GOLIM4: variants seen among roughly 807,000 people sequenced by gnomAD.
GOLIM4 encodes the protein 130 kDa golgi-localized phosphoprotein.
GOLIM4 carries 71 observed loss-of-function variants against 107.4 expected under a neutral mutation model. The observed-to-expected ratio is 0.66, with a 90% CI of 0.55 to 0.81. The LOEUF (loss-of-function observed/expected upper bound fraction) is 0.81, where lower values mean the gene tolerates loss of function less well. Ranked by LOEUF, GOLIM4 falls within the 30% of genes least tolerant of loss-of-function variation. The pLI is 0.00. For synonymous variants in GOLIM4, 327 were observed against 294.8 expected, an observed-to-expected ratio of 1.11 and a Z score of -1.12; for missense variants, 830 against 826.1, an observed-to-expected ratio of 1.00 and a Z score of -0.06.
At chr3:168,048,727 A>G (rs1452763072) in intron 1 of GOLIM4, among the ~76,000 whole-genome samples, 5 of 151,502 alleles carry the variant, frequency 3.3e-5, no homozygotes, top group African/African-American at 1.2e-4. Context: ...TCATCTGCAA[A>G]GCAGTTACCC....
At chr3:168,047,560 T>C (rs965874014) in intron 2 of GOLIM4, among the ~76,000 whole-genome samples, 2 of 152,208 alleles carry the variant, frequency 1.3e-5, no homozygotes, top group African/African-American at 4.8e-5. Flanking sequence ...TAAAACATCC[T>C]AACCAATACT....
chr3:168,056,600 T>C (rs1371949869), intron 1 of GOLIM4, among the ~76,000 whole-genome samples: 1 of 152,182 alleles, frequency 6.6e-6, no homozygotes, highest in African/African-American at 2.4e-5. Flanking sequence ...CCCAAGACCA[T>C]GTGAACCCAC....
rs138914203 is a variant in GOLIM4 at position 168,011,336 on chromosome 3, G to A, written c.1861-513C>T. 1.5e-3 allele frequency among the ~76,000 whole-genome samples: 226 copies of A among 152,296 alleles called. No individual in the cohort carries two copies. In the East Asian group the frequency reaches 0.018, roughly 12 times the overall value. On this transcript the variant is annotated intron_variant, in intron 14 of 15. Transcript: ENST00000470487. ...CACCCAAATACTGCGCTTTTCCGACGGGATTAAAAAACGGCGCACCACGAG... is the reference window on the plus strand; with the variant it reads ...CACCCAAATACTGCGCTTTTCCGACAGGATTAAAAAACGGCGCACCACGAG...
At position 168,056,001 on chromosome 3, in the gene GOLIM4, T is replaced by C. The variant is rs574944040; in HGVS notation, c.188-7636A>G. ...AGCCAAATGTTAACGACCAAGACAATTCGGAAAATGTCTCCAGGGCATGTC... is the reference window on the plus strand; with the variant it reads ...AGCCAAATGTTAACGACCAAGACAACTCGGAAAATGTCTCCAGGGCATGTC... On this transcript the variant is annotated intron_variant, in intron 1 of 15. Transcript: ENST00000470487. Among the ~76,000 whole-genome samples the C allele has an allele frequency of 2.6e-5, 4 of 152,086 alleles. No individual in the cohort carries two copies. In the South Asian group the frequency reaches 8.3e-4, roughly 32 times the overall value.
At chr3:168,025,364 T>C (rs1717938041) in intron 12 of GOLIM4, among the ~76,000 whole-genome samples, 1 of 152,178 alleles carries the variant, frequency 6.6e-6, no homozygotes, top group African/African-American at 2.4e-5. Flanking sequence ...AAAACTCTAC[T>C]GACACAAGTA....
chr3:168,029,270 T>A lies in GOLIM4; in HGVS notation c.1466A>T (p.Asp489Val), dbSNP rs1718175846. Residue 489 changes from aspartate to valine, a missense_variant, in exon 11 of 16, where the codon GAT becomes GTT. Coordinates refer to ENST00000470487, the MANE Select transcript of GOLIM4 (RefSeq NM_014498.5). ...CTGGTCCTCTGCTCCCTGAACGATA[T>A]CATTATCCATAGCATCATAATGAGC... is the stretch of plus-strand genomic sequence containing the variant. ...QQAHYDAMDN[D>V]IVQGAEDQGI... The A allele has an allele frequency of 3.7e-6, 6 of 1,610,062 alleles. No individual in the cohort carries two copies. The highest frequency in any genetic ancestry group is 5.1e-6 in the Non-Finnish European group (6 of 1,177,476).
At chr3:168,043,321 G>A (rs761541567) in intron 5 of GOLIM4, 58 bp downstream of exon 5, 41 of 1,238,274 alleles carry the variant, frequency 3.3e-5, no homozygotes, top group Non-Finnish European at 4.7e-5. Context: ...CAGTTGCACT[G>A]AAACATTAAT....
intron 1 of GOLIM4, among the ~76,000 whole-genome samples, chr3:168,082,679 G>GTAGAGA (rs1721433995): frequency 6.6e-6 from 1 of 152,130 alleles, no homozygotes; most frequent in Non-Finnish European, 1.5e-5. Context: ...CAAAGAGAAA[G>GTAGAGA]TAGAGAAGAG....
chr3:168,089,742 C>T (rs1721801955), intron 1 of GOLIM4, among the ~76,000 whole-genome samples: 1 of 151,536 alleles, frequency 6.6e-6, no homozygotes, highest in South Asian at 2.1e-4. Context: ...TAAAAAAAGC[C>T]TGGTTCTGTG....
chr3:168,071,691 G>T (rs963438447), intron 1 of GOLIM4, among the ~76,000 whole-genome samples: 3 of 151,598 alleles, frequency 2.0e-5, no homozygotes, highest in Admixed American at 2.0e-4. Context: ...CGACTTCACT[G>T]ATTTTGCTAC....
rs758828977 is a variant in GOLIM4, at chr3:168,047,012, A to T, written c.263-13T>A. On this transcript the variant is annotated splice_polypyrimidine_tract_variant and intron_variant, in intron 2 of 15. Transcript: ENST00000470487. ...TAAACAAGAAAATCTAGAAAATACA[A>T]GATGGAAAAAAACAGTGATAATTCA... 10 of 1,192,710 alleles carry T rather than the reference A, an allele frequency of 8.4e-6. No homozygotes were observed. In the East Asian group the frequency reaches 2.1e-4, roughly 25 times the overall value. The allele number at this position is 1,192,710 out of a possible 1,614,324, so 73.9% of individuals were successfully genotyped here.
At chr3:168,058,628 G>A (rs1338696196) in intron 1 of GOLIM4, among the ~76,000 whole-genome samples, 1 of 152,108 alleles carries the variant, frequency 6.6e-6, no homozygotes, top group East Asian at 1.9e-4. Context: ...TAAAACATAA[G>A]ACAATTAGAG....
At chr3:168,023,120 T>C (rs1448692815) in intron 14 of GOLIM4, among the ~76,000 whole-genome samples, 1 of 152,244 alleles carries the variant, frequency 6.6e-6, no homozygotes, top group African/African-American at 2.4e-5. Flanking sequence ...TGTTTAATCT[T>C]CTGAATTTTT....
intron 14 of GOLIM4, among the ~76,000 whole-genome samples, chr3:168,012,033 C>A (rs1210706268): frequency 7.5e-6 from 1 of 133,886 alleles, no homozygotes; most frequent in Non-Finnish European, 1.5e-5. Flanking sequence ...CAGAACAAAG[C>A]TGGATGGAGA....
At chr3:168,035,270 T>C (rs1029352771) in intron 8 of GOLIM4, among the ~76,000 whole-genome samples, 2 of 152,166 alleles carry the variant, frequency 1.3e-5, no homozygotes, top group Non-Finnish European at 2.9e-5. Flanking sequence ...CCTAAAGATA[T>C]AAATACCATT....
intron 1 of GOLIM4, among the ~76,000 whole-genome samples, chr3:168,076,277 C>G (rs1028029039): frequency 5.9e-5 from 9 of 152,174 alleles, no homozygotes; most frequent in Non-Finnish European, 1.5e-5. Context: ...CATATGTTCA[C>G]CAGAAGTTTA....
At chr3:168,093,545 T>C (rs892575657) in intron 1 of GOLIM4, among the ~76,000 whole-genome samples, 1 of 152,220 alleles carries the variant, frequency 6.6e-6, no homozygotes, top group African/African-American at 2.4e-5. Flanking sequence ...AGTCCTGTTA[T>C]ACTATTAGAC....
At chr3:168,065,369 G>A (rs893970733) in intron 1 of GOLIM4, among the ~76,000 whole-genome samples, 2 of 152,166 alleles carry the variant, frequency 1.3e-5, no homozygotes, top group African/African-American at 4.8e-5. Context: ...TTCAGGAAAA[G>A]CCTTTTGGCA....
chr3:168,027,263 C>T (rs1381347338), intron 12 of GOLIM4, among the ~76,000 whole-genome samples: 1 of 152,150 alleles, frequency 6.6e-6, no homozygotes, highest in Non-Finnish European at 1.5e-5. Context: ...AAAATGGTCA[C>T]TAGACTGCTA....
Sources: gnomAD v4.1 joint callset for allele counts (sites outside exome capture counted in the v4.1 genomes callset) on GRCh38, gnomAD v4.1.1 for gene constraint, MANE v1.5 for transcripts, NCBI Gene and HGNC (gene_info 2026-07-23, HGNC 2026-07-21) for gene names.